The following ANGPT1 variants were observed in gnomAD, a reference collection of about 807,000 sequenced individuals.
ANGPT1 encodes angiopoietin-1.
In ANGPT1, 17 loss-of-function variants were observed where a neutral mutation model predicts 62.2. The observed-to-expected ratio is 0.27, with a 90% CI of 0.19 to 0.41. The LOEUF (loss-of-function observed/expected upper bound fraction) is 0.41, where lower values mean the gene tolerates loss of function less well. Among genes scored for constraint, ANGPT1 ranks in the 10% least tolerant of loss-of-function variants. ANGPT1 has a pLI of 1.00. For synonymous variants in ANGPT1, 199 were observed against 198.9 expected (o/e 1.00, Z 0.00); for missense variants, 478 against 594.9 (o/e 0.80, Z 2.04).
intron 1 of ANGPT1, among the ~76,000 whole-genome samples, chr8:107,428,632 T>TTG (rs140085272): frequency 0.17 from 25,699 of 149,192 alleles, 2,436 homozygotes; most frequent in East Asian, 0.43. Flanking sequence ...TTTTTTCATT[T>TTG]TGTGTGTGTG....
chr8:107,400,410 A>G (rs758815368), intron 1 of ANGPT1, among the ~76,000 whole-genome samples: 3 of 152,322 alleles, frequency 2.0e-5, no homozygotes, highest in Non-Finnish European at 2.9e-5. Context: ...GGTGATGGAC[A>G]CATGAATGAA....
chr8:107,464,302 T>C (rs1812145876), intron 1 of ANGPT1, among the ~76,000 whole-genome samples: 1 of 152,166 alleles, frequency 6.6e-6, no homozygotes, highest in African/African-American at 2.4e-5. Flanking sequence ...GAATATGACT[T>C]GCCTCTATGC....
intron 1 of ANGPT1, among the ~76,000 whole-genome samples, chr8:107,461,726 G>C (rs1399699214): frequency 6.6e-6 from 1 of 151,952 alleles, no homozygotes; most frequent in African/African-American, 2.4e-5. Flanking sequence ...ACAAATTCTG[G>C]ATGCTAATTA....
intron 1 of ANGPT1, among the ~76,000 whole-genome samples, chr8:107,363,438 T>A (rs1816209009): frequency 6.6e-6 from 1 of 152,178 alleles, no homozygotes; most frequent in South Asian, 2.1e-4. Context: ...TTTTCCAAGT[T>A]CTGATTTATA....
At chr8:107,398,416 T>C (rs559729325) in intron 1 of ANGPT1, among the ~76,000 whole-genome samples, 60 of 152,182 alleles carry the variant, frequency 3.9e-4, no homozygotes, top group African/African-American at 1.4e-3. Flanking sequence ...TACTCAAAGA[T>C]TTGCTTGGTT....
intron 2 of ANGPT1, among the ~76,000 whole-genome samples, chr8:107,337,294 T>C (rs1815590770): frequency 1.3e-5 from 2 of 152,228 alleles, no homozygotes; most frequent in Admixed American, 6.5e-5. Flanking sequence ...CCAGATTGTA[T>C]GAGAGACAGA....
chr8:107,352,976 G>A (rs1815965013), intron 1 of ANGPT1, among the ~76,000 whole-genome samples: 1 of 151,472 alleles, frequency 6.6e-6, no homozygotes, highest in Admixed American at 6.6e-5. Flanking sequence ...TAAAAAAAAA[G>A]ACAGCTGAAG....
chr8:107,323,970 G>C (rs930847404), intron 3 of ANGPT1, among the ~76,000 whole-genome samples: 1 of 151,722 alleles, frequency 6.6e-6, no homozygotes, highest in Non-Finnish European at 1.5e-5. Flanking sequence ...TAGTAGAGAT[G>C]GGGTTTTGCC....
intron 1 of ANGPT1, among the ~76,000 whole-genome samples, chr8:107,460,493 G>T (rs76818602): frequency 6.6e-6 from 1 of 152,186 alleles, no homozygotes; most frequent in Non-Finnish European, 1.5e-5. Context: ...TGCACGTATA[G>T]ATGAGTGCTG....
chr8:107,473,101 T>C (rs1341696735), intron 1 of ANGPT1, among the ~76,000 whole-genome samples: 1 of 152,086 alleles, frequency 6.6e-6, no homozygotes. Context: ...TAAGAGAATG[T>C]AAATTTCCCA....
intron 1 of ANGPT1, among the ~76,000 whole-genome samples, chr8:107,445,185 G>A (rs867859317): frequency 3.4e-4 from 51 of 152,196 alleles, no homozygotes; most frequent in African/African-American, 1.2e-3. Context: ...AAGAGCTTCG[G>A]GAAACATTTT....
At chr8:107,342,782 TACACACAC>T (rs751210643) in intron 2 of ANGPT1, among the ~76,000 whole-genome samples, 9,962 of 138,508 alleles carry the variant, frequency 0.072, 398 homozygotes, top group Admixed American at 0.11. Context: ...AACTGCCTAA[TACACACAC>T]ACACACACAC....
chr8:107,452,565 T>C (rs990988990), intron 1 of ANGPT1, among the ~76,000 whole-genome samples: 1 of 152,002 alleles, frequency 6.6e-6, no homozygotes, highest in Admixed American at 6.6e-5. Context: ...TTAATCAATA[T>C]ATTTTATAAA....
chr8:107,445,818 C>A (rs566639641), intron 1 of ANGPT1, among the ~76,000 whole-genome samples: 1 of 151,602 alleles, frequency 6.6e-6, no homozygotes, highest in Non-Finnish European at 1.5e-5. Context: ...AGATGAGAAA[C>A]CACATATATG....
chr8:107,481,181 C>T (rs1812669331), intron 1 of ANGPT1, among the ~76,000 whole-genome samples: 1 of 152,126 alleles, frequency 6.6e-6, no homozygotes, highest in African/African-American at 2.4e-5. Flanking sequence ...AAGCATTAGG[C>T]ATCCACCTTA....
At chr8:107,448,835 G>A (rs752808639) in intron 1 of ANGPT1, among the ~76,000 whole-genome samples, 4 of 152,140 alleles carry the variant, frequency 2.6e-5, no homozygotes, top group Non-Finnish European at 5.9e-5. Flanking sequence ...GCATTAGTAA[G>A]TAAGGAAAGA....
chr8:107,347,840 G>T (rs1316082110), intron 1 of ANGPT1, among the ~76,000 whole-genome samples: 1 of 152,092 alleles, frequency 6.6e-6, no homozygotes, highest in Non-Finnish European at 1.5e-5. Context: ...GTAATATTTA[G>T]TCCTTTATGG....
chr8:107,388,935 C>A (rs1160851043), intron 1 of ANGPT1, among the ~76,000 whole-genome samples: 1 of 152,080 alleles, frequency 6.6e-6, no homozygotes, highest in Non-Finnish European at 1.5e-5. Context: ...TTCAAAGGAG[C>A]CTGACATATT....
At chr8:107,429,915 G>T (rs922181209) in intron 1 of ANGPT1, among the ~76,000 whole-genome samples, 5 of 119,056 alleles carry the variant, frequency 4.2e-5, no homozygotes, top group Non-Finnish European at 9.7e-5. Context: ...GTAACAAAAA[G>T]AATCACATAG....
Sources: allele counts gnomAD v4.1 joint callset (sites outside exome capture counted in the v4.1 genomes callset), GRCh38; gene constraint gnomAD v4.1.1; transcripts MANE v1.5; gene names NCBI Gene and HGNC (gene_info 2026-07-23, HGNC 2026-07-21).